Variants in LHFPL6 observed in about 807,000 individuals in gnomAD.
LHFPL6 encodes LHFPL tetraspan subfamily member 6 protein.
A neutral mutation model predicts 20.6 loss-of-function variants in LHFPL6; 9 were observed. The ratio of observed to expected loss-of-function variants is 0.44; its 90% CI spans 0.26 to 0.76. LHFPL6 has a LOEUF of 0.76. Ranked by LOEUF, LHFPL6 falls within the 30% of genes least tolerant of loss-of-function variation. The pLI, the probability that LHFPL6 is intolerant of heterozygous loss-of-function variation, is 0.20. For missense variants in LHFPL6, 218 were observed against 253.5 expected (o/e 0.86, Z 0.95); for synonymous variants, 105 against 98.7 (o/e 1.06, Z -0.38).
intron 2 of LHFPL6, among the ~76,000 whole-genome samples, chr13:39,470,012 A>G (rs967551317): frequency 1.4e-4 from 22 of 152,284 alleles, no homozygotes; most frequent in Admixed American, 1.2e-3. Flanking sequence ...GAACATCAGG[A>G]AAGTACTGCA....
chr13:39,378,644 C>A (rs1870358991), intron 2 of LHFPL6, 118 bp from the exon 3 acceptor site: 2 of 643,442 alleles, frequency 3.1e-6, no homozygotes, highest in Non-Finnish European at 5.4e-6. Context: ...TTAGACAGCA[C>A]CAGCCACAAC....
At chr13:39,512,765 T>C (rs1001890706) in intron 2 of LHFPL6, among the ~76,000 whole-genome samples, 1 of 152,196 alleles carries the variant, frequency 6.6e-6, no homozygotes, top group African/African-American at 2.4e-5. Context: ...TAAAAGCAGG[T>C]AGGACAGCTT....
intron 2 of LHFPL6, among the ~76,000 whole-genome samples, chr13:39,451,959 T>C (rs1872457443): frequency 6.6e-6 from 1 of 152,210 alleles, no homozygotes; most frequent in South Asian, 2.1e-4. Flanking sequence ...CGCATGCACG[T>C]GCATAAGACA....
At chr13:39,352,674 T>C (rs1324992745) in intron 3 of LHFPL6, among the ~76,000 whole-genome samples, 3 of 151,848 alleles carry the variant, frequency 2.0e-5, no homozygotes, top group African/African-American at 7.3e-5. Context: ...AGAATATCTT[T>C]TGTCTGTGAT....
chr13:39,512,632 C>T (rs904182184), intron 2 of LHFPL6, among the ~76,000 whole-genome samples: 5 of 143,424 alleles, frequency 3.5e-5, no homozygotes, highest in Non-Finnish European at 7.6e-5. Flanking sequence ...AAAAAGAAAT[C>T]AGACCAAATT....
chr13:39,525,464 C>T (rs1336363443), intron 2 of LHFPL6, among the ~76,000 whole-genome samples: 1 of 152,164 alleles, frequency 6.6e-6, no homozygotes, highest in Non-Finnish European at 1.5e-5. Flanking sequence ...ATAAATCTCT[C>T]TGCATTTAAT....
At chr13:39,469,344 G>A (rs1232152631) in intron 2 of LHFPL6, among the ~76,000 whole-genome samples, 1 of 152,150 alleles carries the variant, frequency 6.6e-6, no homozygotes, top group African/African-American at 2.4e-5. Context: ...TCGGCAAACT[G>A]CCCACCACCA....
chr13:39,557,292 G>C (rs1180381457), intron 2 of LHFPL6, among the ~76,000 whole-genome samples: 1 of 152,210 alleles, frequency 6.6e-6, no homozygotes, highest in Non-Finnish European at 1.5e-5. Flanking sequence ...CACCACTTTA[G>C]ACGGGGCGAG....
chr13:39,454,940 A>G (rs1363990935), intron 2 of LHFPL6, among the ~76,000 whole-genome samples: 1 of 152,208 alleles, frequency 6.6e-6, no homozygotes, highest in Non-Finnish European at 1.5e-5. Context: ...TGTAGATTAT[A>G]GAGTGTCCTT....
chr13:39,404,021 G>A (rs1871054990), intron 2 of LHFPL6, among the ~76,000 whole-genome samples: 1 of 152,174 alleles, frequency 6.6e-6, no homozygotes, highest in South Asian at 2.1e-4. Flanking sequence ...CTTTGTACAA[G>A]GCAAGGTCAA....
chr13:39,572,288 CTGTGTGTG>C (rs3222813), intron 2 of LHFPL6, among the ~76,000 whole-genome samples: 8,383 of 143,466 alleles, frequency 0.058, 601 homozygotes, highest in African/African-American at 0.17. Flanking sequence ...TTTTTAAACT[CTGTGTGTG>C]TGTGTGTGTG....
At chr13:39,589,249 G>A (rs1286110108) in intron 2 of LHFPL6, among the ~76,000 whole-genome samples, 1 of 152,110 alleles carries the variant, frequency 6.6e-6, no homozygotes, top group Non-Finnish European at 1.5e-5. Context: ...CGAGATTACA[G>A]GCGCATGCCA....
chr13:39,405,000 T>C lies in LHFPL6; in HGVS notation c.386-26474A>G, dbSNP rs148486613. Among the ~76,000 whole-genome samples the C allele has an allele frequency of 5.8e-3, 888 of 152,350 alleles. 27 individuals carry two copies. Among genetic ancestry groups the C allele is most frequent in the East Asian group, 9.8e-3 (51 of 5,190 alleles). ...ATGTGATCAGTTTTCTAACAGGTAC[T>C]GTGGAGTGACAGAGAAAAAACTTGT... On this transcript the variant is annotated intron_variant, in intron 2 of 3. Coordinates refer to ENST00000379589, the MANE Select transcript of LHFPL6 (RefSeq NM_005780.3).
In LHFPL6 at chr13:39,446,646, T is replaced by C. The variant is rs182706664; in HGVS notation, c.386-68120A>G. On this transcript the variant is annotated intron_variant, in intron 2 of 3. Transcript: ENST00000379589. ...CCCTATGAGGCTGATACCATCTTCA[T>C]TCTGTAGCTAGAGAAACTAAGATTT... Among the ~76,000 whole-genome samples the C allele has an allele frequency of 3.3e-5, 5 of 151,600 alleles. No homozygotes were observed. The East Asian group carries it at 9.8e-4, about 30-fold the overall frequency.
chr13:39,414,242 C>G (rs2138390145), intron 2 of LHFPL6, among the ~76,000 whole-genome samples: 1 of 152,268 alleles, frequency 6.6e-6, no homozygotes, highest in Non-Finnish European at 1.5e-5. Flanking sequence ...ATTTGGAAAT[C>G]AAGCTCAATA....
intron 2 of LHFPL6, among the ~76,000 whole-genome samples, chr13:39,422,777 T>C (rs921830781): frequency 1.3e-5 from 2 of 152,152 alleles, no homozygotes; most frequent in African/African-American, 4.8e-5. Context: ...TCCATTCTCA[T>C]GCTGCTAATA....
Position 39,575,508 on chromosome 13 carries a change from A to G in LHFPL6, c.385+25324T>C, listed in dbSNP as rs188358657. ...AGTCACAACTCCTTGCTAATTTACT[A>G]TGACATCTCTATGTTTCAAAATTAA... On this transcript the variant is annotated intron_variant, in intron 2 of 3. Transcript: ENST00000379589. Among the ~76,000 whole-genome samples, 289 of 152,336 alleles carry G rather than the reference A, an allele frequency of 1.9e-3. 1 individual carries two copies. The highest frequency in any genetic ancestry group is 3.1e-3 in the Non-Finnish European group (214 of 68,034).
Position 39,403,173 on chromosome 13 carries a change from G to T in LHFPL6, c.386-24647C>A, listed in dbSNP as rs543302575. On this transcript the variant is annotated intron_variant, in intron 2 of 3. Coordinates refer to ENST00000379589, the MANE Select transcript of LHFPL6 (RefSeq NM_005780.3). ...GGATCAATACATTGTGTGAGGTATG[G>T]GAGAAGCAATGCTTTTGTCAAGTGG... is the stretch of plus-strand genomic sequence containing the variant. Among the ~76,000 whole-genome samples, 81 of 152,280 alleles carry T rather than the reference G, an allele frequency of 5.3e-4. 1 individual carries two copies. In the South Asian group the frequency reaches 9.1e-3, roughly 17 times the overall value.
intron 2 of LHFPL6, among the ~76,000 whole-genome samples, chr13:39,499,520 G>A (rs1869220373): frequency 6.6e-6 from 1 of 152,116 alleles, no homozygotes; most frequent in Non-Finnish European, 1.5e-5. Context: ...ACCAGCCCAT[G>A]CCCACTCTCA....
Sources: allele counts gnomAD v4.1 joint callset (sites outside exome capture counted in the v4.1 genomes callset), GRCh38; gene constraint gnomAD v4.1.1; transcripts MANE v1.5; gene names NCBI Gene and HGNC (gene_info 2026-07-23, HGNC 2026-07-21).